The following HDAC4 variants were observed in gnomAD, a reference collection of about 807,000 sequenced individuals.
HDAC4 encodes histone deacetylase 4.
HDAC4 carries 16 observed loss-of-function variants against 135.1 expected under a neutral mutation model. The observed-to-expected ratio is 0.12, with a 90% CI of 0.08 to 0.18. The LOEUF is 0.18. Among genes scored for constraint, HDAC4 ranks in the 10% least tolerant of loss-of-function variants. The pLI, the probability that HDAC4 is intolerant of heterozygous loss-of-function variation, is 1.00. For synonymous variants in HDAC4, 685 were observed against 653.4 expected (o/e 1.05, Z -0.74); for missense variants, 1,143 against 1,511.8 (o/e 0.76, Z 4.05).
intron 3 of HDAC4, among the ~76,000 whole-genome samples, chr2:239,198,002 A>G (rs2045516192): frequency 6.6e-6 from 1 of 151,816 alleles, no homozygotes; most frequent in Non-Finnish European, 1.5e-5. Context: ...ACAGGTGTGC[A>G]CCACCATGCC....
chr2:239,130,208 T>C (rs540532485), intron 11 of HDAC4, among the ~76,000 whole-genome samples: 1 of 152,302 alleles, frequency 6.6e-6, no homozygotes, highest in African/African-American at 2.4e-5. Context: ...CCAATCAGCA[T>C]CTGTTTGAGC....
At chr2:239,174,530 A>G (rs1477591719) in intron 5 of HDAC4, among the ~76,000 whole-genome samples, 1 of 152,126 alleles carries the variant, frequency 6.6e-6, no homozygotes. Flanking sequence ...AGCCACAGGA[A>G]CCCCTGTACA....
intron 18 of HDAC4, chr2:239,089,740 TTTTAA>T (rs1403947619): frequency 3.6e-5 from 15 of 415,882 alleles, no homozygotes; most frequent in South Asian, 1.5e-4. Flanking sequence ...TTTTTTTTTT[TTTTAA>T]GAGTATAAAT....
chr2:239,341,554 T>C (rs1171275562), intron 2 of HDAC4, among the ~76,000 whole-genome samples: 3 of 152,122 alleles, frequency 2.0e-5, no homozygotes, highest in Non-Finnish European at 4.4e-5. Flanking sequence ...GGACAACACA[T>C]GGAAACCCTG....
chr2:239,082,680 T>C (rs1438484815), intron 20 of HDAC4, among the ~76,000 whole-genome samples: 1 of 152,222 alleles, frequency 6.6e-6, no homozygotes, highest in Non-Finnish European at 1.5e-5. Flanking sequence ...GCCAATTCCA[T>C]GCCAGGCAGG....
intron 3 of HDAC4, among the ~76,000 whole-genome samples, chr2:239,217,157 C>T (rs745549896): frequency 7.9e-5 from 12 of 152,238 alleles, no homozygotes; most frequent in African/African-American, 2.2e-4. Context: ...AAAGGGGACC[C>T]GCTGGTGGCA....
At chr2:239,346,542 CACAA>C (rs1339717398) in intron 2 of HDAC4, among the ~76,000 whole-genome samples, 3 of 123,560 alleles carry the variant, frequency 2.4e-5, no homozygotes, top group Admixed American at 8.7e-5. Flanking sequence ...CCCTAAAACA[CACAA>C]ACACACCTTC....
rs117557947 is a variant in HDAC4, at chr2:239,269,687, C to T, written c.23-33023G>A. 3.0e-3 allele frequency among the ~76,000 whole-genome samples: 452 copies of T among 152,266 alleles called. 6 individuals carry two copies. The East Asian group carries it at 0.051, about 17-fold the overall frequency. On this transcript the variant is annotated intron_variant, in intron 2 of 26. Coordinates refer to ENST00000543185, the MANE Select transcript of HDAC4 (RefSeq NM_001378414.1). ...TATCAAGTACTGGTCACCTCGTGGC[C>T]GGGACTGCCGGGTCACCGTGTGTTC...
chr2:239,331,841 G>A lies in HDAC4; in HGVS notation c.22+20837C>T, dbSNP rs746912462. The stretch of plus-strand genomic sequence containing the variant: ...GCGTGTCCTCCAGAGGCTGAGGAGC[G>A]GAGCAGCACCGGACGGCTCGGACCC... On this transcript the variant is annotated intron_variant, in intron 2 of 26. Coordinates refer to ENST00000543185, the MANE Select transcript of HDAC4 (RefSeq NM_001378414.1). The surrounding 1 kb of genome is among the most constrained non-coding windows in gnomAD (Gnocchi z 4.5). Among the ~76,000 whole-genome samples the A allele has an allele frequency of 3.3e-5, 5 of 152,172 alleles. No individual in the cohort carries two copies. Among genetic ancestry groups the A allele is most frequent in the Non-Finnish European group, 5.9e-5 (4 of 68,032 alleles).
intron 16 of HDAC4, among the ~76,000 whole-genome samples, chr2:239,100,988 C>T (rs1357483670): frequency 6.6e-6 from 1 of 152,176 alleles, no homozygotes; most frequent in African/African-American, 2.4e-5. Flanking sequence ...AGCTTTGGCC[C>T]AGGCCCTTGA....
intron 1 of HDAC4, among the ~76,000 whole-genome samples, chr2:239,358,262 G>A (rs1442454892): frequency 6.6e-6 from 1 of 152,170 alleles, no homozygotes; most frequent in Non-Finnish European, 1.5e-5. Flanking sequence ...TTCCGTTCGT[G>A]TGGACTCACA....
chr2:239,233,781 A>G (rs965648760), intron 3 of HDAC4, among the ~76,000 whole-genome samples: 1 of 152,198 alleles, frequency 6.6e-6, no homozygotes, highest in Non-Finnish European at 1.5e-5. Context: ...TTCCTGCTCC[A>G]AGTACACACT....
chr2:239,386,631 T>C (rs1466125686), intron 1 of HDAC4, among the ~76,000 whole-genome samples: 5 of 152,134 alleles, frequency 3.3e-5, no homozygotes, highest in African/African-American at 1.2e-4. Flanking sequence ...AACAATGTAA[T>C]GCACTGTAAG....
chr2:239,048,735 G>A lies in HDAC4; in HGVS notation c.*4362C>T, dbSNP rs1348894858. On this transcript the variant is annotated 3_prime_UTR_variant, in exon 27 of 27. Coordinates refer to ENST00000543185, the MANE Select transcript of HDAC4 (RefSeq NM_001378414.1). ...TAATCAATGCCAGAGACAAAGTGAG[G>A]CCGAGCTAAGAACACGCTCAGCTTC... The A allele has an allele frequency of 6.6e-6, 1 of 152,226 alleles. No individual in the cohort carries two copies. Among genetic ancestry groups the A allele is most frequent in the Non-Finnish European group, 1.5e-5 (1 of 68,038 alleles). The allele number at this position is 152,226 out of a possible 1,614,324, so 9.4% of individuals were successfully genotyped here. A position where few individuals can be genotyped will look rare whatever the true frequency, so the allele number is the denominator to read the frequency against.
chr2:239,162,211 C>T (rs1394319451), intron 6 of HDAC4: 2 of 456,748 alleles, frequency 4.4e-6, no homozygotes, highest in South Asian at 1.5e-5. Flanking sequence ...GTGCTTGCCC[C>T]ACTCCTATCA....
chr2:239,376,026 C>G (rs1694980277), intron 1 of HDAC4, among the ~76,000 whole-genome samples: 1 of 152,262 alleles, frequency 6.6e-6, no homozygotes, highest in African/African-American at 2.4e-5. Context: ...TTGATGGTCC[C>G]TAAAGCAGGG....
At chr2:239,311,616 C>T (rs6755401) in intron 2 of HDAC4, among the ~76,000 whole-genome samples, 15,575 of 152,186 alleles carry the variant, frequency 0.1, 897 homozygotes, top group Non-Finnish European at 0.12. Context: ...GACACTGTGA[C>T]CCATGACAGG....
At chr2:239,061,312 G>A (rs2032683548) in intron 24 of HDAC4, among the ~76,000 whole-genome samples, 1 of 151,848 alleles carries the variant, frequency 6.6e-6, no homozygotes, top group Non-Finnish European at 1.5e-5. Context: ...GATGTGTGGT[G>A]TGTGCATGCA....
At chr2:239,387,185 TG>T (rs948599294) in intron 1 of HDAC4, among the ~76,000 whole-genome samples, 1 of 152,172 alleles carries the variant, frequency 6.6e-6, no homozygotes, top group African/African-American at 2.4e-5. Flanking sequence ...AGAACTTCAG[TG>T]GGAGCTAAAG....
Sources: allele counts gnomAD v4.1 joint callset (sites outside exome capture counted in the v4.1 genomes callset), GRCh38; gene constraint gnomAD v4.1.1; non-coding constraint Gnocchi (gnomAD v3.1); transcripts MANE v1.5; gene names NCBI Gene and HGNC (gene_info 2026-07-23, HGNC 2026-07-21).